The following TENM3 variants were observed in gnomAD, a reference collection of about 807,000 sequenced individuals.
TENM3 encodes the protein teneurin-3.
In TENM3, 63 loss-of-function variants were observed where a neutral mutation model predicts 255.1. The ratio of observed to expected loss-of-function variants is 0.25; its 90% CI spans 0.20 to 0.30. The LOEUF (loss-of-function observed/expected upper bound fraction) is 0.30, where lower values mean the gene tolerates loss of function less well. TENM3 is among the 10% of genes least tolerant of loss of function. The pLI is 1.00. For missense variants in TENM3, 2,929 were observed against 3,461.1 expected (o/e 0.85, Z 3.86); for synonymous variants, 1,306 against 1,322.3 (o/e 0.99, Z 0.27).
At chr4:182,073,564 C>A in the TENM3 span, among the ~76,000 whole-genome samples, 1 of 152,142 alleles carries the variant, frequency 6.6e-6, no homozygotes, top group Non-Finnish European at 1.5e-5. Context: ...GTTATGGCAG[C>A]CCAAGCAAAC....
intron 3 of TENM3, among the ~76,000 whole-genome samples, chr4:182,398,648 G>GGGTGTTA (rs1415760880): frequency 3.0e-4 from 45 of 152,298 alleles, no homozygotes; most frequent in African/African-American, 1.0e-3. Context: ...CTTGAAACAG[G>GGGTGTTA]GGTGTTACAG....
At chr4:182,489,854 TC>T (rs1309920586) in intron 3 of TENM3, among the ~76,000 whole-genome samples, 23 of 99,504 alleles carry the variant, frequency 2.3e-4, no homozygotes, top group Middle Eastern at 5.4e-3. Flanking sequence ...TCCTTCCTTT[TC>T]TTCCCTTCCT....
intron 5 of TENM3, among the ~76,000 whole-genome samples, chr4:182,629,837 A>G (rs908423789): frequency 2.6e-5 from 4 of 152,242 alleles, no homozygotes; most frequent in Non-Finnish European, 5.9e-5. Flanking sequence ...ACTGGCTACA[A>G]TACTCCTGTG....
chr4:182,229,960 G>T (rs1043163876), intron 1 of TENM3, among the ~76,000 whole-genome samples: 1 of 152,030 alleles, frequency 6.6e-6, no homozygotes, highest in Non-Finnish European at 1.5e-5. Context: ...TAAAGTATGT[G>T]TATTCATTGT....
At chr4:181,762,545 C>T in the TENM3 span, among the ~76,000 whole-genome samples, 1 of 152,074 alleles carries the variant, frequency 6.6e-6, no homozygotes, top group Non-Finnish European at 1.5e-5. Flanking sequence ...GCAAGCAGGT[C>T]AACTTCATTT....
the TENM3 span, among the ~76,000 whole-genome samples, chr4:181,784,160 G>T: frequency 1.4e-5 from 2 of 148,040 alleles, no homozygotes; most frequent in East Asian, 2.0e-4. Flanking sequence ...CGAGTCATCT[G>T]TTTTTTTTTT....
the TENM3 span, among the ~76,000 whole-genome samples, chr4:181,622,034 A>G: frequency 1.3e-5 from 2 of 152,216 alleles, no homozygotes; most frequent in African/African-American, 4.8e-5. Context: ...GATTTAAAAT[A>G]TCACATACTG....
chr4:181,843,716 C>CTTTTTTTT, the TENM3 span, among the ~76,000 whole-genome samples: 2 of 104,686 alleles, frequency 1.9e-5, no homozygotes, highest in African/African-American at 7.1e-5. Flanking sequence ...TAAGGGCCTT[C>CTTTTTTTT]TTTTTTTTTT....
chr4:182,482,833 T>G (rs2151523660), intron 3 of TENM3, among the ~76,000 whole-genome samples: 1 of 152,304 alleles, frequency 6.6e-6, no homozygotes, highest in South Asian at 2.1e-4. Context: ...CACAGTGTAC[T>G]TAAAAGAGGT....
chr4:182,664,514 G>A (rs573460674), intron 6 of TENM3, among the ~76,000 whole-genome samples: 12 of 152,142 alleles, frequency 7.9e-5, no homozygotes, highest in Non-Finnish European at 1.5e-4. Flanking sequence ...CAAGTGAAAG[G>A]AAGAATCACA....
intron 1 of TENM3, among the ~76,000 whole-genome samples, chr4:182,168,374 A>G (rs1303412925): frequency 6.6e-6 from 1 of 152,044 alleles, no homozygotes; most frequent in African/African-American, 2.4e-5. Context: ...GGCTCAAGCA[A>G]TCCTCTTGCC....
rs543696900 is a variant in TENM3, at chr4:182,755,569, T to C, written c.4892+310T>C. Among the ~76,000 whole-genome samples, 7 of 151,942 alleles carry C rather than the reference T, an allele frequency of 4.6e-5. No homozygotes were observed. In the East Asian group the frequency reaches 1.4e-3, roughly 30 times the overall value. The stretch of plus-strand genomic sequence containing the variant: ...AAGAAAAAAAAATGGCCGGGCGCAG[T>C]GGCTCACGCCTGTAATCCCAGCACT... On this transcript the variant is annotated intron_variant, in intron 22 of 27. Transcript: ENST00000511685.
chr4:182,726,475 T>C (rs1440774321), intron 13 of TENM3, among the ~76,000 whole-genome samples: 4 of 152,098 alleles, frequency 2.6e-5, no homozygotes, highest in Admixed American at 2.6e-4. Flanking sequence ...GCAAGGTGGC[T>C]GCAGCAATCC....
At chr4:182,476,621 T>C (rs576522528) in intron 3 of TENM3, among the ~76,000 whole-genome samples, 1 of 152,208 alleles carries the variant, frequency 6.6e-6, no homozygotes, top group Non-Finnish European at 1.5e-5. Flanking sequence ...CTCAAGTTTT[T>C]ATTGCTGTAA....
At chr4:182,130,198 A>G in the TENM3 span, among the ~76,000 whole-genome samples, 1 of 152,150 alleles carries the variant, frequency 6.6e-6, no homozygotes, top group African/African-American at 2.4e-5. Context: ...GAGACAATTT[A>G]GTTATCGAGT....
intron 3 of TENM3, among the ~76,000 whole-genome samples, chr4:182,497,116 C>T (rs4862072): frequency 6.6e-6 from 1 of 151,276 alleles, no homozygotes; most frequent in South Asian, 2.1e-4. Flanking sequence ...TGCAGTGGCA[C>T]GATCTCAGCT....
At chr4:182,462,796 A>C (rs1732163113) in intron 3 of TENM3, among the ~76,000 whole-genome samples, 1 of 151,946 alleles carries the variant, frequency 6.6e-6, no homozygotes, top group East Asian at 1.9e-4. Flanking sequence ...CTGAGGCAGG[A>C]GAATCACTAG....
intron 3 of TENM3, among the ~76,000 whole-genome samples, chr4:182,364,571 C>T (rs903545872): frequency 6.6e-6 from 1 of 152,108 alleles, no homozygotes; most frequent in Non-Finnish European, 1.5e-5. Context: ...CGCCCACCAC[C>T]ACGCCCGGCT....
intron 3 of TENM3, among the ~76,000 whole-genome samples, chr4:182,353,159 C>T (rs576910885): frequency 1.2e-4 from 18 of 152,290 alleles, no homozygotes; most frequent in African/African-American, 3.6e-4. Context: ...TTTTTCACCT[C>T]ACTAGCATTA....
Sources: gnomAD v4.1 joint callset for allele counts (sites outside exome capture counted in the v4.1 genomes callset) on GRCh38, gnomAD v4.1.1 for gene constraint, MANE v1.5 for transcripts, NCBI Gene and HGNC (gene_info 2026-07-23, HGNC 2026-07-21) for gene names.